The following KCNA6 variants were observed in gnomAD, a reference collection of about 807,000 sequenced individuals.
KCNA6 encodes potassium voltage-gated channel subfamily A member 6.
A neutral mutation model predicts 29.5 loss-of-function variants in KCNA6; 17 were observed. That is an observed-to-expected ratio of 0.58 (90% CI 0.39 to 0.86). The LOEUF (loss-of-function observed/expected upper bound fraction) is 0.86, where lower values mean the gene tolerates loss of function less well. KCNA6 is among the 40% of genes least tolerant of loss of function. The pLI is 0.00. For synonymous variants in KCNA6, 296 were observed against 304.7 expected (o/e 0.97, Z 0.30); for missense variants, 450 against 703.4 (o/e 0.64, Z 4.07).
the KCNA6 span, among the ~76,000 whole-genome samples, chr12:4,825,423 A>G: frequency 0.15 from 22,608 of 152,166 alleles, 1,776 homozygotes; most frequent in Non-Finnish European, 0.17. Context: ...TACATTTTTA[A>G]AAATTTTTAC....
chr12:4,820,747 A>T, the KCNA6 span, among the ~76,000 whole-genome samples: 1 of 152,162 alleles, frequency 6.6e-6, no homozygotes, highest in Admixed American at 6.5e-5. Context: ...CCAGAACCAG[A>T]TGACCAGCTT....
At chr12:4,843,992 A>G in the KCNA6 span, among the ~76,000 whole-genome samples, 2 of 152,182 alleles carry the variant, frequency 1.3e-5, no homozygotes, top group African/African-American at 4.8e-5. Flanking sequence ...CAGCTTGCCC[A>G]TGTCTCTCTC....
In KCNA6 at chr12:4,811,631, A is replaced by T. The variant is rs759561831; in HGVS notation, c.1590A>T (p.Ter530CysextTer12). ...AGAAAAGAATGCTCACGGAGGTCTG[A>T]CCCATGCAGGCAGGGCCTGCAGGAG... The change falls in exon 1 of 1, where the codon TGA becomes TGT. Residue 530 changes from the stop codon to cysteine (C), a stop_lost. Transcript: ENST00000280684. The surrounding 1 kb of genome is among the most constrained non-coding windows in gnomAD (Gnocchi z 7.1). 3 of 1,611,070 alleles carry T rather than the reference A, an allele frequency of 1.9e-6. No homozygotes were observed. Among genetic ancestry groups the T allele is most frequent in the Non-Finnish European group, 2.5e-6 (3 of 1,177,960 alleles).
At chr12:4,816,249 G>GGTGTGTGT (rs59638657), downstream of KCNA6, among the ~76,000 whole-genome samples, 45 of 142,736 alleles carry the variant, frequency 3.2e-4, no homozygotes, top group Non-Finnish European at 6.0e-4. Context: ...ACCACGAACT[G>GGTGTGTGT]GTGTGTGTGT....
Position 4,810,207 on chromosome 12 carries a change from T to C in KCNA6, c.166T>C (p.Leu56=), listed in dbSNP as rs372580642. ...CTCCGGGCTGCGCTTTGAGACACAA[T>C]TGCGCACCCTGTCGCTGTTTCCGGA... The change falls in exon 1 of 1, where the codon TTG becomes CTG. Residue 56 remains leucine, a synonymous_variant. Transcript: ENST00000280684. This position sits in a 1 kb window ranked among gnomAD's most constrained non-coding sequence, Gnocchi z 7.5. The C allele has an allele frequency of 1.2e-4, 198 of 1,613,498 alleles. No homozygotes were observed. The highest frequency in any genetic ancestry group is 1.6e-4 in the Non-Finnish European group (192 of 1,179,992).
chr12:4,821,306 A>T, the KCNA6 span, among the ~76,000 whole-genome samples: 1 of 152,176 alleles, frequency 6.6e-6, no homozygotes, highest in South Asian at 2.1e-4. Flanking sequence ...TTCCCTGCAG[A>T]AGACTGCTTT....
At chr12:4,850,815 A>G in the KCNA6 span, 14 of 454,590 alleles carry the variant, frequency 3.1e-5, no homozygotes, top group African/African-American at 2.8e-4. The surrounding 1 kb of genome is among the most constrained non-coding windows in gnomAD (Gnocchi z 5.4). Flanking sequence ...CAACTTCTTC[A>G]GAAGACGAGA....
chr12:4,850,949 G>A, the KCNA6 span: 1 of 384,332 alleles, frequency 2.6e-6, no homozygotes, highest in Non-Finnish European at 5.3e-6. The surrounding 1 kb of genome is among the most constrained non-coding windows in gnomAD (Gnocchi z 5.4). Context: ...GGCCCAGAAT[G>A]TTGGGGTGAA....
At chr12:4,846,571 G>C in the KCNA6 span, among the ~76,000 whole-genome samples, 1 of 151,930 alleles carries the variant, frequency 6.6e-6, no homozygotes, top group African/African-American at 2.4e-5. Context: ...TCCTTGTTGA[G>C]TTTTCTATAT....
chr12:4,836,274 C>T, the KCNA6 span, among the ~76,000 whole-genome samples: 1 of 152,086 alleles, frequency 6.6e-6, no homozygotes, highest in Non-Finnish European at 1.5e-5. Flanking sequence ...TATACCAGAC[C>T]TCACTCTTGT....
rs201315008 is a variant in KCNA6, at chr12:4,811,151, G to C, written c.1110G>C (p.Gln370His). ...TGCAGATCCTGGGCAAGACCTTGCA[G>C]GCCTCCATGAGGGAGCTGGGGCTGC... Residue 370 changes from glutamine (Q) to histidine (H), a missense_variant, in exon 1 of 1, where the codon CAG (glutamine) becomes CAC (histidine). Around this residue, in one of 7 missense-constraint regions of KCNA6, gnomAD observed 12 missense variants for 64.4 expected, o/e 0.19. Transcript: ENST00000280684. The surrounding 1 kb of genome is among the most constrained non-coding windows in gnomAD (Gnocchi z 7.1). 1 of 1,614,200 alleles carries C rather than the reference G, an allele frequency of 6.2e-7. No homozygotes were observed. Among genetic ancestry groups the C allele is most frequent in the African/African-American group, 1.3e-5 (1 of 75,070 alleles).
chr12:4,809,687 G>T (rs367619685), exon 1 of KCNA6: 1 of 222,794 alleles, frequency 4.5e-6, no homozygotes, highest in Non-Finnish European at 8.7e-6. Flanking sequence ...CTCTGCGTCC[G>T]GGAGCCGGGT....
chr12:4,849,474 A>G, the KCNA6 span, among the ~76,000 whole-genome samples: 1 of 145,704 alleles, frequency 6.9e-6, no homozygotes, highest in African/African-American at 2.5e-5. Context: ...GGAATTTCAC[A>G]CAGAGATTTT....
At chr12:4,829,352 C>T in the KCNA6 span, among the ~76,000 whole-genome samples, 1 of 152,112 alleles carries the variant, frequency 6.6e-6, no homozygotes, top group African/African-American at 2.4e-5. Context: ...TGTCCAGAAG[C>T]ATTGCTGGAT....
chr12:4,810,651 C>A lies in KCNA6; in HGVS notation c.610C>A (p.Arg204=). ...CTTACCCCAGTTCCGTGTAGATGGT[C>A]GAGGTGGAAACAATGGTGGTGTGAG... The change falls in exon 1 of 1, where the codon CGA becomes AGA. Residue 204 remains arginine (R), a synonymous_variant. Coordinates refer to ENST00000280684, the Ensembl canonical transcript of KCNA6. The surrounding 1 kb of genome is among the most constrained non-coding windows in gnomAD (Gnocchi z 7.5). 1 of 1,610,094 alleles carries A rather than the reference C, an allele frequency of 6.2e-7. No homozygotes were observed. The highest frequency in any genetic ancestry group is 1.1e-5 in the South Asian group (1 of 90,744).
chr12:4,835,827 G>A, the KCNA6 span, among the ~76,000 whole-genome samples: 2 of 152,194 alleles, frequency 1.3e-5, no homozygotes, highest in East Asian at 1.9e-4. Flanking sequence ...TTCATGCTAG[G>A]CCCCCTTCAA....
chr12:4,843,432 G>A, the KCNA6 span, among the ~76,000 whole-genome samples: 19,725 of 151,918 alleles, frequency 0.13, 1,472 homozygotes, highest in African/African-American at 0.19. Context: ...TGCCTGCCTC[G>A]GCCTCCCAAA....
At chr12:4,821,369 C>T in the KCNA6 span, among the ~76,000 whole-genome samples, 3 of 152,108 alleles carry the variant, frequency 2.0e-5, no homozygotes, top group African/African-American at 7.2e-5. Context: ...CGTGTGCACA[C>T]GCAGGTGCCC....
chr12:4,810,810 T>G lies in KCNA6; in HGVS notation c.769T>G (p.Ser257Ala). Residue 257 changes from serine (S) to alanine (A), a missense_variant, in exon 1 of 1, where the codon TCC becomes GCC. Ser to Ala is a moderately conservative substitution (Grantham distance 99). This residue lies in a region of KCNA6 where 74 missense variants were observed against 71.5 expected (regional missense o/e 1.03). Transcript: ENST00000280684. The surrounding 1 kb of genome is among the most constrained non-coding windows in gnomAD (Gnocchi z 7.5). Reference sequence around the variant, plus strand: ...CTCCTCACTCAGTACTCTTGGGGGCTCCTTCTTTACAGACCCCTTCTTTCT... The same window carrying G: ...CTCCTCACTCAGTACTCTTGGGGGCGCCTTCTTTACAGACCCCTTCTTTCT... 2 of 1,591,350 alleles carry G rather than the reference T, an allele frequency of 1.3e-6. No homozygotes were observed. Among genetic ancestry groups the G allele is most frequent in the Admixed American group, 1.7e-5 (1 of 58,368 alleles).
Sources: allele counts gnomAD v4.1 joint callset (sites outside exome capture counted in the v4.1 genomes callset), GRCh38; gene constraint gnomAD v4.1.1; regional missense constraint gnomAD v4.1.1; non-coding constraint Gnocchi (gnomAD v3.1); transcripts MANE v1.5; gene names NCBI Gene and HGNC (gene_info 2026-07-23, HGNC 2026-07-21).